IGSF21: variants seen among roughly 807,000 people sequenced by gnomAD.
IGSF21 encodes immunoglobulin superfamily member 21.
Under a neutral mutation model 46.8 loss-of-function variants are expected in IGSF21, and 28 were observed. The observed-to-expected ratio is 0.60, with a 90% CI of 0.44 to 0.82. The LOEUF (loss-of-function observed/expected upper bound fraction) is 0.82. Among genes scored for constraint, IGSF21 ranks in the 40% least tolerant of loss-of-function variants. The pLI, the probability that IGSF21 is intolerant of heterozygous loss-of-function variation, is 0.00. For synonymous variants in IGSF21, 284 were observed against 273.6 expected, an observed-to-expected ratio of 1.04 and a Z score of -0.38; for missense variants, 624 against 665.5, an observed-to-expected ratio of 0.94 and a Z score of 0.69.
intron 1 of IGSF21, among the ~76,000 whole-genome samples, chr1:18,145,880 T>C (rs2086461400): frequency 6.6e-6 from 1 of 152,194 alleles, no homozygotes; most frequent in Admixed American, 6.5e-5. Flanking sequence ...TGGTTGCTCC[T>C]TTATTCCTCC....
chr1:18,256,045 C>G (rs2084889396), intron 2 of IGSF21, among the ~76,000 whole-genome samples: 1 of 152,160 alleles, frequency 6.6e-6, no homozygotes, highest in Non-Finnish European at 1.5e-5. Context: ...CAGAATCTGG[C>G]CTCTGCCCAC....
At chr1:18,289,589 A>G (rs984395477) in intron 2 of IGSF21, among the ~76,000 whole-genome samples, 7 of 152,150 alleles carry the variant, frequency 4.6e-5, no homozygotes, top group African/African-American at 1.2e-4. Context: ...TGGTACAGCC[A>G]CACAATGTGA....
intron 1 of IGSF21, among the ~76,000 whole-genome samples, chr1:18,207,767 C>T (rs933433610): frequency 2.0e-5 from 3 of 152,096 alleles, no homozygotes; most frequent in Non-Finnish European, 4.4e-5. Context: ...GCTGGGATTC[C>T]CTGTTGACAC....
intron 6 of IGSF21, among the ~76,000 whole-genome samples, chr1:18,374,153 C>G (rs1378853023): frequency 1.3e-5 from 2 of 152,194 alleles, no homozygotes; most frequent in Non-Finnish European, 2.9e-5. Context: ...CCAAGATTAC[C>G]CAGGGGCAGA....
Position 18,359,498 on chromosome 1 carries a change from AG to A in IGSF21, c.425-2615del, listed in dbSNP as rs1557659864. 8.5e-3 allele frequency among the ~76,000 whole-genome samples: 726 copies of A among 85,800 alleles called. 22 individuals are homozygous for A. Among genetic ancestry groups the A allele is most frequent in the African/African-American group, 0.029 (560 of 19,230 alleles). The allele number at this position is 85,800 out of a possible 152,430, so 56.3% of individuals were successfully genotyped here. A position where few individuals can be genotyped will look rare whatever the true frequency, so the allele number is the denominator to read the frequency against. ...AAGGAAGGAAGGAAGGAAGGAAGGA[AG>A]GAAGGAAGGAAGGAAAAGCAATCCT... On this transcript the variant is annotated intron_variant, in intron 4 of 9. Coordinates refer to ENST00000251296, the MANE Select transcript of IGSF21 (RefSeq NM_032880.5).
chr1:18,204,187 C>A (rs565202310), intron 1 of IGSF21, among the ~76,000 whole-genome samples: 1 of 152,122 alleles, frequency 6.6e-6, no homozygotes, highest in Non-Finnish European at 1.5e-5. Context: ...CTCCTCTGAC[C>A]CCATAACATA....
chr1:18,236,491 T>C (rs6663092), intron 2 of IGSF21, among the ~76,000 whole-genome samples: 146,704 of 152,302 alleles, frequency 0.96, 70,853 homozygotes, highest in East Asian at 1. Context: ...CTCTGTTGGC[T>C]ATGTTAAGCT....
chr1:18,362,619 T>G (rs1444832722), intron 5 of IGSF21, among the ~76,000 whole-genome samples: 1 of 152,102 alleles, frequency 6.6e-6, no homozygotes, highest in African/African-American at 2.4e-5. Flanking sequence ...CTGACAGAGC[T>G]GGGTCTCAAG....
At chr1:18,376,762 C>T (rs1297198200) in intron 7 of IGSF21, 38 bp from the exon 8 acceptor site, 2 of 1,544,240 alleles carry the variant, frequency 1.3e-6, no homozygotes, top group South Asian at 1.2e-5. Flanking sequence ...CAGAATGGGC[C>T]CTCCTGTGAC....
chr1:18,305,562 G>GGATGGATC, intron 3 of IGSF21, among the ~76,000 whole-genome samples: 1 of 150,126 alleles, frequency 6.7e-6, no homozygotes, highest in Non-Finnish European at 1.5e-5. Flanking sequence ...ATGGATGGAT[G>GGATGGATC]GATGGATGGA....
intron 1 of IGSF21, among the ~76,000 whole-genome samples, chr1:18,177,398 T>TC (rs764239909): frequency 0.36 from 29,993 of 83,550 alleles, 3,754 homozygotes; most frequent in Middle Eastern, 0.47. Context: ...GTGAGGTGTG[T>TC]GTGTGTGTGT....
At chr1:18,194,659 G>T (rs547397608) in intron 1 of IGSF21, among the ~76,000 whole-genome samples, 1 of 152,188 alleles carries the variant, frequency 6.6e-6, no homozygotes, top group Admixed American at 6.5e-5. Flanking sequence ...CCCTCATCCA[G>T]TATGACTGCC....
intron 1 of IGSF21, among the ~76,000 whole-genome samples, chr1:18,174,559 G>T (rs577686847): frequency 1.9e-4 from 29 of 152,184 alleles, no homozygotes. Flanking sequence ...ACATCCCCTC[G>T]CTCGCTCTTG....
At chr1:18,266,801 A>G (rs2084993635) in intron 2 of IGSF21, among the ~76,000 whole-genome samples, 1 of 152,208 alleles carries the variant, frequency 6.6e-6, no homozygotes, top group African/African-American at 2.4e-5. Context: ...GCAATTCACT[A>G]CGTGACACAG....
chr1:18,186,008 C>T (rs1034811654), intron 1 of IGSF21, among the ~76,000 whole-genome samples: 2 of 152,056 alleles, frequency 1.3e-5, no homozygotes, highest in Non-Finnish European at 2.9e-5. Flanking sequence ...AATGCCAAAG[C>T]GTTATGCATT....
At chr1:18,373,816 A>T (rs1278105738) in intron 6 of IGSF21, among the ~76,000 whole-genome samples, 2 of 152,190 alleles carry the variant, frequency 1.3e-5, no homozygotes, top group Non-Finnish European at 2.9e-5. Flanking sequence ...TGACCTGCAC[A>T]ATGGGTTTCG....
chr1:18,128,965 T>C (rs1358525609), intron 1 of IGSF21, among the ~76,000 whole-genome samples: 1 of 152,012 alleles, frequency 6.6e-6, no homozygotes, highest in Non-Finnish European at 1.5e-5. Flanking sequence ...CCACAGAGTA[T>C]TGATGGCTCT....
intron 9 of IGSF21, among the ~76,000 whole-genome samples, chr1:18,377,727 T>A (rs189298296): frequency 1.3e-5 from 2 of 152,322 alleles, no homozygotes; most frequent in East Asian, 3.9e-4. Flanking sequence ...TTGATCTCAC[T>A]GCCCATGGCA....
At chr1:18,166,497 G>A (rs1011611244) in intron 1 of IGSF21, among the ~76,000 whole-genome samples, 3 of 152,118 alleles carry the variant, frequency 2.0e-5, no homozygotes, top group Admixed American at 6.5e-5. Flanking sequence ...TTCTATAAAC[G>A]ACGCTAATAA....
Sources: allele counts gnomAD v4.1 joint callset (sites outside exome capture counted in the v4.1 genomes callset), GRCh38; gene constraint gnomAD v4.1.1; transcripts MANE v1.5; gene names NCBI Gene and HGNC (gene_info 2026-07-23, HGNC 2026-07-21).